Variants in CTDSPL observed in about 807,000 individuals in gnomAD.
CTDSPL encodes CTD small phosphatase-like protein.
In CTDSPL, 8 loss-of-function variants were observed where a neutral mutation model predicts 30.5. The observed-to-expected ratio is 0.26, with a 90% CI of 0.15 to 0.47. The LOEUF (loss-of-function observed/expected upper bound fraction) is 0.47. Among genes scored for constraint, CTDSPL ranks in the 20% least tolerant of loss-of-function variants. The pLI is 0.99. For missense variants in CTDSPL, 248 were observed against 366.1 expected (o/e 0.68, Z 2.63); for synonymous variants, 110 against 137.9 (o/e 0.80, Z 1.42).
chr3:37,960,100 C>A (rs551648381), intron 3 of CTDSPL, among the ~76,000 whole-genome samples: 1 of 152,144 alleles, frequency 6.6e-6, no homozygotes, highest in African/African-American at 2.4e-5. Context: ...CACCTGTAAT[C>A]CCACTGAGGC....
At chr3:37,946,920 A>T (rs763004826) in intron 1 of CTDSPL, 137 bp from the exon 2 acceptor site, 3 of 838,456 alleles carry the variant, frequency 3.6e-6, no homozygotes, top group Admixed American at 3.1e-5. Flanking sequence ...GGAGCCCCTC[A>T]TCTTCTCCTG....
At chr3:37,884,681 G>A (rs913082423) in intron 1 of CTDSPL, among the ~76,000 whole-genome samples, 20 of 152,072 alleles carry the variant, frequency 1.3e-4, no homozygotes, top group African/African-American at 4.8e-4. Flanking sequence ...AAGATAGGAG[G>A]GCCTGTACTC....
intron 1 of CTDSPL, among the ~76,000 whole-genome samples, chr3:37,911,417 G>A (rs998389327): frequency 6.6e-6 from 1 of 152,186 alleles, no homozygotes; most frequent in Non-Finnish European, 1.5e-5. Context: ...GTTACTCTGC[G>A]AAAACTGGGA....
In CTDSPL at chr3:37,957,145, T is replaced by C. The variant is rs1435490770; in HGVS notation, c.267+2T>C. 1 of 1,573,474 alleles carries C rather than the reference T, an allele frequency of 6.4e-7. No individual in the cohort carries two copies. Among genetic ancestry groups the C allele is most frequent in the African/African-American group, 1.4e-5 (1 of 73,238 alleles). On this transcript the variant is annotated splice_donor_variant, in intron 3 of 7. Transcript: ENST00000273179. LOFTEE classifies it high-confidence loss of function. ...AGGCAGGTCATTCCCATACCAAGTGTATGTATATTTATCTAATTTTATTTA... is the reference window on the plus strand; with the variant it reads ...AGGCAGGTCATTCCCATACCAAGTGCATGTATATTTATCTAATTTTATTTA...
chr3:37,910,158 T>G (rs887161710), intron 1 of CTDSPL, among the ~76,000 whole-genome samples: 1 of 152,222 alleles, frequency 6.6e-6, no homozygotes, highest in African/African-American at 2.4e-5. Context: ...CTAGGCCACA[T>G]AGTAACCACA....
At chr3:37,949,283 A>C (rs985324279) in intron 2 of CTDSPL, among the ~76,000 whole-genome samples, 1 of 152,228 alleles carries the variant, frequency 6.6e-6, no homozygotes, top group Non-Finnish European at 1.5e-5. Flanking sequence ...TTAAAGCCTT[A>C]AAAATATCCC....
intron 1 of CTDSPL, among the ~76,000 whole-genome samples, chr3:37,888,310 T>C (rs1698285574): frequency 6.6e-6 from 1 of 152,230 alleles, no homozygotes. Flanking sequence ...GTCTCTAAGG[T>C]GACACAAAGC....
intron 1 of CTDSPL, among the ~76,000 whole-genome samples, chr3:37,940,600 A>G (rs1698967331): frequency 6.6e-6 from 1 of 150,382 alleles, no homozygotes; most frequent in Non-Finnish European, 1.5e-5. Context: ...TAAGAAACCC[A>G]GCAAAAGGCA....
chr3:37,970,773 G>A (rs1699357772), intron 5 of CTDSPL, among the ~76,000 whole-genome samples: 1 of 152,178 alleles, frequency 6.6e-6, no homozygotes, highest in Non-Finnish European at 1.5e-5. Context: ...GATGGATTAT[G>A]TCTGGGGTCC....
At chr3:37,911,250 A>T (rs965562692) in intron 1 of CTDSPL, among the ~76,000 whole-genome samples, 5 of 152,218 alleles carry the variant, frequency 3.3e-5, no homozygotes, top group Non-Finnish European at 5.9e-5. Context: ...GCTTTTCCAC[A>T]GAGTGGTGGT....
At chr3:37,932,940 G>A (rs1233498248) in intron 1 of CTDSPL, among the ~76,000 whole-genome samples, 3 of 152,140 alleles carry the variant, frequency 2.0e-5, no homozygotes, top group Non-Finnish European at 2.9e-5. Context: ...ATTAGTTGAG[G>A]TCAGGAGTTC....
intron 1 of CTDSPL, among the ~76,000 whole-genome samples, chr3:37,875,722 G>C (rs770420070): frequency 1.3e-5 from 2 of 152,168 alleles, no homozygotes; most frequent in Non-Finnish European, 2.9e-5. Flanking sequence ...AAAGACTTCA[G>C]TTAGAGTCAT....
rs189681475 is a variant in CTDSPL, at chr3:37,952,508, A to G, written c.235-4603A>G. 1.4e-3 allele frequency among the ~76,000 whole-genome samples: 213 copies of G among 152,360 alleles called. 1 individual carries two copies. The highest frequency in any genetic ancestry group is 6.8e-3 in the Middle Eastern group (2 of 294). On this transcript the variant is annotated intron_variant, in intron 2 of 7. Coordinates refer to ENST00000273179, the MANE Select transcript of CTDSPL (RefSeq NM_001008392.2). ...AAGATAGGAAGGGGTGGCACTGGCC[A>G]TGTCAGTCCCTTTTATGGAAAGTAA...
intron 6 of CTDSPL, among the ~76,000 whole-genome samples, chr3:37,974,810 G>A (rs958673246): frequency 1.2e-4 from 18 of 152,284 alleles, no homozygotes; most frequent in Admixed American, 1.0e-3. Context: ...TCTGGCCCAA[G>A]TGCCCAGAGG....
rs939080956 is a variant in CTDSPL at position 37,901,167 on chromosome 3, TGA to T, written c.79+38891_79+38892del. 2.3e-4 allele frequency among the ~76,000 whole-genome samples: 35 copies of T among 152,310 alleles called. 1 individual carries two copies. In the South Asian group the frequency reaches 3.3e-3, roughly 14 times the overall value. ...TAGTCTGGGCAGGAAGAGAAATGTG[TGA>T]GTTTGCCAGAGTGCCTGATGCTCCC... is the stretch of plus-strand genomic sequence containing the variant. On this transcript the variant is annotated intron_variant, in intron 1 of 7. Coordinates refer to ENST00000273179, the MANE Select transcript of CTDSPL (RefSeq NM_001008392.2).
intron 1 of CTDSPL, among the ~76,000 whole-genome samples, chr3:37,910,337 C>T (rs373917799): frequency 9.2e-5 from 14 of 152,116 alleles, no homozygotes; most frequent in Middle Eastern, 3.4e-3. Flanking sequence ...AAAAATCAGC[C>T]GGGCATGGTA....
intron 1 of CTDSPL, among the ~76,000 whole-genome samples, chr3:37,946,034 C>A (rs1315106237): frequency 1.3e-5 from 2 of 152,220 alleles, no homozygotes; most frequent in Non-Finnish European, 2.9e-5. Context: ...GGACTTAAAT[C>A]ATTTCCTGCT....
At chr3:37,921,196 C>A (rs1575299005) in intron 1 of CTDSPL, among the ~76,000 whole-genome samples, 1 of 152,234 alleles carries the variant, frequency 6.6e-6, no homozygotes, top group Non-Finnish European at 1.5e-5. Context: ...ATTTTCCCCC[C>A]AGGTAACAGA....
intron 1 of CTDSPL, among the ~76,000 whole-genome samples, chr3:37,900,503 T>C (rs1698436849): frequency 6.6e-6 from 1 of 152,234 alleles, no homozygotes; most frequent in African/African-American, 2.4e-5. Context: ...TGACAGGTTG[T>C]GATATTGTTT....
Sources: allele counts gnomAD v4.1 joint callset (sites outside exome capture counted in the v4.1 genomes callset), GRCh38; gene constraint gnomAD v4.1.1; transcripts MANE v1.5; gene names NCBI Gene and HGNC (gene_info 2026-07-23, HGNC 2026-07-21).